The following TNNI3K variants were observed in gnomAD, a reference collection of about 807,000 sequenced individuals.
TNNI3K encodes the protein TNNI3 interacting kinase.
In TNNI3K, 140 loss-of-function variants were observed where a neutral mutation model predicts 114.5. The ratio of observed to expected loss-of-function variants is 1.22; its 90% CI spans 1.07 to 1.41. The LOEUF is 1.41. Ranked by LOEUF, TNNI3K falls within the 40% of genes most tolerant of loss-of-function variation. TNNI3K has a pLI of 0.00. For missense variants in TNNI3K, 1,125 were observed against 1,007.6 expected (o/e 1.12, Z -1.58); for synonymous variants, 347 against 347.5 (o/e 1.00, Z 0.02).
chr1:74,253,325 C>T (rs1479401966), intron 4 of TNNI3K, among the ~76,000 whole-genome samples: 3 of 152,194 alleles, frequency 2.0e-5, no homozygotes, highest in African/African-American at 7.2e-5. Flanking sequence ...GCCAGTCCCA[C>T]GCCATGTGCC....
intron 5 of TNNI3K, among the ~76,000 whole-genome samples, chr1:74,287,697 A>C (rs1021843357): frequency 6.6e-6 from 1 of 152,164 alleles, no homozygotes; most frequent in Admixed American, 6.5e-5. Flanking sequence ...CTATGACCTC[A>C]AAAACACAAG....
chr1:74,336,194 G>A (rs142785451), intron 7 of TNNI3K, 45 bp downstream of exon 7: 454 of 1,566,216 alleles, frequency 2.9e-4, no homozygotes, highest in Middle Eastern at 6.8e-4. Context: ...TTTGCTTTAT[G>A]TATACCTTTT....
intron 5 of TNNI3K, among the ~76,000 whole-genome samples, chr1:74,286,993 G>A (rs1657369085): frequency 6.6e-6 from 1 of 151,898 alleles, no homozygotes; most frequent in South Asian, 2.1e-4. Context: ...GTTCAACAAA[G>A]AGGTAGAAAC....
At chr1:74,484,127 C>T (rs148500100) in intron 21 of TNNI3K, among the ~76,000 whole-genome samples, 2 of 147,502 alleles carry the variant, frequency 1.4e-5, no homozygotes, top group East Asian at 3.9e-4. Flanking sequence ...TTAAAGCTTT[C>T]TCAACCCCCC....
intron 6 of TNNI3K, among the ~76,000 whole-genome samples, chr1:74,334,041 T>C (rs1288200820): frequency 2.0e-5 from 3 of 152,224 alleles, no homozygotes; most frequent in African/African-American, 7.2e-5. Flanking sequence ...TACTAACAGT[T>C]ATTGAATGCC....
At chr1:74,471,933 AG>A in intron 21 of TNNI3K, 1 of 507,130 alleles carries the variant, frequency 2.0e-6, no homozygotes, top group Non-Finnish European at 3.5e-6. Context: ...GAAAATACCT[AG>A]GTTTGCTCTG....
chr1:74,337,513 T>C (rs575645046), intron 7 of TNNI3K, among the ~76,000 whole-genome samples: 35 of 152,162 alleles, frequency 2.3e-4, no homozygotes, highest in Non-Finnish European at 5.0e-4. Flanking sequence ...AGAGTTCTCT[T>C]AGATGAATTA....
intron 20 of TNNI3K, among the ~76,000 whole-genome samples, chr1:74,460,576 C>A (rs1667415930): frequency 6.6e-6 from 1 of 152,172 alleles, no homozygotes; most frequent in Non-Finnish European, 1.5e-5. Flanking sequence ...TTTTTTGTAG[C>A]AATCAAGGTA....
chr1:74,503,616 G>A (rs560752448), intron 23 of TNNI3K, among the ~76,000 whole-genome samples: 26 of 152,152 alleles, frequency 1.7e-4, no homozygotes, highest in African/African-American at 5.8e-4. Flanking sequence ...TCTCTGAGAC[G>A]TAAAATTTTT....
At chr1:74,438,115 A>T (rs1185130373) in intron 19 of TNNI3K, among the ~76,000 whole-genome samples, 1 of 151,750 alleles carries the variant, frequency 6.6e-6, no homozygotes, top group Non-Finnish European at 1.5e-5. Flanking sequence ...TTAATTTGAA[A>T]TTTATTTTGA....
At chr1:74,533,112 G>A (rs1371247520) in intron 23 of TNNI3K, among the ~76,000 whole-genome samples, 5 of 152,158 alleles carry the variant, frequency 3.3e-5, no homozygotes, top group South Asian at 2.1e-4. Flanking sequence ...AGAAAGTACC[G>A]TCAGAGTGAA....
chr1:74,518,701 T>A (rs948189028), intron 23 of TNNI3K, among the ~76,000 whole-genome samples: 1 of 152,176 alleles, frequency 6.6e-6, no homozygotes, highest in African/African-American at 2.4e-5. Context: ...AGCTCAAAAT[T>A]ATTATATTAG....
At chr1:74,526,347 C>T (rs545042890) in intron 23 of TNNI3K, among the ~76,000 whole-genome samples, 29 of 152,172 alleles carry the variant, frequency 1.9e-4, no homozygotes, top group African/African-American at 5.3e-4. Context: ...CTTTTATCTT[C>T]CATCAATAAA....
chr1:74,360,556 G>A (rs1661907410), intron 11 of TNNI3K, among the ~76,000 whole-genome samples: 1 of 152,074 alleles, frequency 6.6e-6, no homozygotes, highest in African/African-American at 2.4e-5. Context: ...AATAGGGATA[G>A]TATAAAACTG....
At chr1:74,491,087 T>G (rs1669048901) in intron 22 of TNNI3K, among the ~76,000 whole-genome samples, 1 of 152,194 alleles carries the variant, frequency 6.6e-6, no homozygotes, top group Non-Finnish European at 1.5e-5. Flanking sequence ...TAATTAAAAC[T>G]GGGATACACA....
chr1:74,534,230 T>G (rs1370245894), intron 23 of TNNI3K, among the ~76,000 whole-genome samples: 1 of 152,048 alleles, frequency 6.6e-6, no homozygotes, highest in Non-Finnish European at 1.5e-5. Flanking sequence ...CTCTTAACTT[T>G]CAAGCCATGT....
At chr1:74,487,613 A>G (rs1668832005) in intron 21 of TNNI3K, among the ~76,000 whole-genome samples, 1 of 152,126 alleles carries the variant, frequency 6.6e-6, no homozygotes, top group East Asian at 1.9e-4. Flanking sequence ...ATCTAATGAT[A>G]AATGTAAATG....
At chr1:74,458,673 T>C (rs569449807) in intron 20 of TNNI3K, among the ~76,000 whole-genome samples, 1 of 152,326 alleles carries the variant, frequency 6.6e-6, no homozygotes, top group South Asian at 2.1e-4. Flanking sequence ...TTCATTCATT[T>C]ATTCAATAAA....
rs750338302 is a variant in TNNI3K at position 74,369,479 on chromosome 1, G to A, written c.1561G>A (p.Val521Ile). ...SILCQLNHPC[V>I]IQFVGACLND... ...TCTCTGCCAGCTCAATCATCCCTGC[G>A]TAATTCAGTTTGTGGGTGCTTGCTT... Residue 521 changes from valine to isoleucine, a missense_variant, in exon 16 of 25, where the codon GTA (valine) becomes ATA (isoleucine). Val to Ile is a conservative substitution (Grantham distance 29). Coordinates refer to ENST00000326637, the MANE Select transcript of TNNI3K (RefSeq NM_015978.3). 9.9e-6 allele frequency: 16 copies of A among 1,612,654 alleles called. No individual in the cohort carries two copies. The highest frequency in any genetic ancestry group is 6.7e-5 in the Admixed American group (4 of 59,820).
Sources: gnomAD v4.1 joint callset for allele counts (sites outside exome capture counted in the v4.1 genomes callset) on GRCh38, gnomAD v4.1.1 for gene constraint, MANE v1.5 for transcripts, NCBI Gene and HGNC (gene_info 2026-07-23, HGNC 2026-07-21) for gene names.